The following LDB3 variants were observed in gnomAD, a reference collection of about 807,000 sequenced individuals.
LDB3 encodes the protein LIM domain-binding protein 3.
A neutral mutation model predicts 69.0 loss-of-function variants in LDB3; 49 were observed. That is an observed-to-expected ratio of 0.71 (90% CI 0.56 to 0.90). LDB3 has a LOEUF of 0.90. Among genes scored for constraint, LDB3 ranks in the 40% least tolerant of loss-of-function variants. LDB3 has a pLI of 0.00. For missense variants in LDB3, 928 were observed against 974.1 expected (o/e 0.95, Z 0.63); for synonymous variants, 387 against 396.2 (o/e 0.98, Z 0.28).
chr10:86,692,226 C>T (rs1845799628), intron 6 of LDB3, among the ~76,000 whole-genome samples, 161 bp downstream of exon 6: 4 of 152,232 alleles, frequency 2.6e-5, no homozygotes, highest in Admixed American at 1.3e-4. Context: ...CCTTCTGGGC[C>T]TCTCAGGCAG....
In LDB3 at chr10:86,706,561, C is replaced by T; in HGVS notation, c.927C>T (p.Thr309=). The T allele has an allele frequency of 6.2e-7, 1 of 1,613,070 alleles. No homozygotes were observed. Among genetic ancestry groups the T allele is most frequent in the Non-Finnish European group, 8.5e-7 (1 of 1,179,986 alleles). Residue 309 remains threonine, a synonymous_variant, in exon 8 of 14, where the codon ACC becomes ACT. Coordinates refer to ENST00000361373, the MANE Select transcript of LDB3 (RefSeq NM_007078.3). ...STPIEHAPVC[T]SQATTPLLPA... ...CTATTGAGCATGCGCCGGTGTGCACCAGCCAGGCCACCACCCCGCTGCTGC... is the reference window on the plus strand; with the variant it reads ...CTATTGAGCATGCGCCGGTGTGCACTAGCCAGGCCACCACCCCGCTGCTGC...
intron 5 of LDB3, chr10:86,685,560 C>A (rs537001687): frequency 2.1e-6 from 2 of 947,450 alleles, no homozygotes; most frequent in South Asian, 1.3e-5. Flanking sequence ...TCACCCATTG[C>A]GGTTTGGGCT....
chr10:86,723,805 A>C (rs568834672), intron 12 of LDB3, among the ~76,000 whole-genome samples: 52 of 152,368 alleles, frequency 3.4e-4, no homozygotes, highest in African/African-American at 1.1e-3. Context: ...TTGCATGACA[A>C]GCTACAATTA....
chr10:86,725,734 T>C (rs1847230195), intron 12 of LDB3, among the ~76,000 whole-genome samples: 1 of 152,036 alleles, frequency 6.6e-6, no homozygotes, highest in Admixed American at 6.6e-5. Context: ...GCAAAGAAAA[T>C]TCTATAACTC....
At chr10:86,668,876 G>A (rs1844300932) in intron 2 of LDB3, 92 bp downstream of exon 2, 3 of 1,003,556 alleles carry the variant, frequency 3.0e-6, no homozygotes, top group East Asian at 2.5e-5. Context: ...TCCTTTCTGA[G>A]CCTCTCAGAA....
chr10:86,685,680 G>T lies in LDB3; in HGVS notation c.689+3877G>T, dbSNP rs397516556. The T allele has an allele frequency of 1.2e-5, 20 of 1,614,026 alleles. No homozygotes were observed. The highest frequency in any genetic ancestry group is 1.5e-5 in the Non-Finnish European group (18 of 1,180,026). On this transcript the variant is annotated intron_variant, in intron 5 of 13. Coordinates refer to ENST00000361373, the MANE Select transcript of LDB3 (RefSeq NM_007078.3). ...TTCTTTGCCCTTTTCCTCCCCAGGT[G>T]GTAGTCAACTCTCCAGCCAAGTTAG...
intron 2 of LDB3, among the ~76,000 whole-genome samples, chr10:86,674,235 C>T (rs1248242488): frequency 6.6e-6 from 1 of 152,188 alleles, no homozygotes; most frequent in East Asian, 1.9e-4. Context: ...TACATAATCC[C>T]CTGTTTAACG....
At chr10:86,703,571 C>T (rs7080273) in intron 7 of LDB3, among the ~76,000 whole-genome samples, 63 of 152,358 alleles carry the variant, frequency 4.1e-4, no homozygotes, top group African/African-American at 1.3e-3. Context: ...ACTCTCTCTC[C>T]CATGGGGGCA....
At chr10:86,731,203 C>A (rs1223805588) in intron 13 of LDB3, among the ~76,000 whole-genome samples, 1 of 147,910 alleles carries the variant, frequency 6.8e-6, no homozygotes, top group East Asian at 2.0e-4. Flanking sequence ...GTATATTTCT[C>A]TGCATACTTT....
intron 9 of LDB3, among the ~76,000 whole-genome samples, chr10:86,711,485 C>T (rs933993472): frequency 2.0e-5 from 3 of 151,832 alleles, no homozygotes; most frequent in Non-Finnish European, 2.9e-5. Flanking sequence ...CTCCGGGAGG[C>T]CCGGCTGCCA....
intron 2 of LDB3, among the ~76,000 whole-genome samples, chr10:86,675,003 C>T (rs536293504): frequency 2.6e-5 from 4 of 152,172 alleles, no homozygotes; most frequent in African/African-American, 4.8e-5. Context: ...CAGCCCCCAC[C>T]CTGAGGGATG....
chr10:86,708,373 T>C (rs1846522296), intron 8 of LDB3, among the ~76,000 whole-genome samples: 1 of 152,270 alleles, frequency 6.6e-6, no homozygotes, highest in South Asian at 2.1e-4. Context: ...GGGAGGCAAA[T>C]GGACTCCCCA....
Position 86,699,692 on chromosome 10 carries a change from C to CATA in LDB3, c.897-6837_897-6835dup. On this transcript the variant is annotated intron_variant, in intron 7 of 13. Transcript: ENST00000361373. This position sits in a 1 kb window ranked among gnomAD's most constrained non-coding sequence, Gnocchi z 4.9. Reference sequence around the variant, plus strand: ...AGAGAGGGCAGGAGGGGTTTGCTGGCATAACACCCCAGAACCAAGGGAAAT... The same window carrying CATA: ...AGAGAGGGCAGGAGGGGTTTGCTGGCATAATAACACCCCAGAACCAAGGGAAAT... The CATA allele has an allele frequency of 8.3e-7, 1 of 1,210,940 alleles. No individual in the cohort carries two copies. The highest frequency in any genetic ancestry group is 1.0e-6 in the Non-Finnish European group (1 of 960,194). The allele number at this position is 1,210,940 out of a possible 1,614,324, so 75.0% of individuals were successfully genotyped here.
At position 86,681,582 on chromosome 10, in the gene LDB3, C is replaced by G. The variant is rs374233873; in HGVS notation, c.468C>G (p.Ala156=). The change falls in exon 5 of 14, where the codon GCC becomes GCG. Residue 156 remains alanine (A), a synonymous_variant. Coordinates refer to ENST00000361373, the MANE Select transcript of LDB3 (RefSeq NM_007078.3). ...GGCCCTCCGCCTTCTCCTCACTCGC[C>G]GAGGCCTCTGACCCTGGCCCTCCGC... ...FSRPSAFSSL[A]EASDPGPPRA... is the part of the protein sequence containing the mutation. 3 of 1,613,038 alleles carry G rather than the reference C, an allele frequency of 1.9e-6. No homozygotes were observed. Among genetic ancestry groups the G allele is most frequent in the South Asian group, 1.1e-5 (1 of 91,078 alleles).
chr10:86,672,298 G>A (rs1477694057), intron 2 of LDB3, among the ~76,000 whole-genome samples: 1 of 152,104 alleles, frequency 6.6e-6, no homozygotes, highest in Admixed American at 6.5e-5. Context: ...CTCTTCCTAG[G>A]GTCTCAGCCA....
chr10:86,678,734 A>G (rs909365964), intron 2 of LDB3, among the ~76,000 whole-genome samples: 4 of 152,126 alleles, frequency 2.6e-5, no homozygotes, highest in Admixed American at 1.3e-4. Flanking sequence ...TCAAACTCCT[A>G]GGCTGGAGTG....
Position 86,691,902 on chromosome 10 carries a change from C to T in LDB3, c.696C>T (p.Leu232=), listed in dbSNP as rs755984116. 1.2e-6 allele frequency: 2 copies of T among 1,614,140 alleles called. No homozygotes were observed. Among genetic ancestry groups the T allele is most frequent in the South Asian group, 2.2e-5 (2 of 91,072 alleles). The change falls in exon 6 of 14, where the codon CTC becomes CTT. Residue 232 remains leucine, a synonymous_variant. Transcript: ENST00000361373. The part of the protein sequence containing the change: ...ASGVGLPGGS[L]PIKDLAVDSA... The stretch of plus-strand genomic sequence containing the variant: ...GCCTCTCTCTGCATTACAGGAGCCT[C>T]CCTATTAAGGACCTTGCCGTAGACA...
intron 8 of LDB3, among the ~76,000 whole-genome samples, chr10:86,708,528 A>G (rs1264354806): frequency 6.6e-6 from 1 of 152,022 alleles, no homozygotes; most frequent in Non-Finnish European, 1.5e-5. Context: ...AGCTAAGACC[A>G]CTGCACCTTG....
Position 86,733,696 on chromosome 10 carries a change from C to T in LDB3, c.*720C>T, listed in dbSNP as rs532195367. On this transcript the variant is annotated 3_prime_UTR_variant, in exon 14 of 14. Transcript: ENST00000361373. ...TCAGCCACCCTCTCTCAGTCTGAAA[C>T]ATCCAACATCCCCAGAAGGCTTAGC... The T allele has an allele frequency of 2.0e-5, 3 of 152,404 alleles. No individual in the cohort carries two copies. The highest frequency in any genetic ancestry group is 7.2e-5 in the African/African-American group (3 of 41,584). 9.4% of individuals were successfully genotyped at this position (152,404 alleles called of 1,614,324 possible).
Sources: allele counts gnomAD v4.1 joint callset (sites outside exome capture counted in the v4.1 genomes callset), GRCh38; gene constraint gnomAD v4.1.1; non-coding constraint Gnocchi (gnomAD v3.1); transcripts MANE v1.5; gene names NCBI Gene and HGNC (gene_info 2026-07-23, HGNC 2026-07-21).